Variants in STX10 observed in about 807,000 individuals in gnomAD.
The protein encoded by STX10 is syntaxin-10.
STX10 carries 35 observed loss-of-function variants against 34.1 expected under a neutral mutation model. The observed-to-expected ratio is 1.03, with a 90% CI of 0.78 to 1.36. The LOEUF is 1.36. Ranked by LOEUF, STX10 falls within the 40% of genes most tolerant of loss-of-function variation. The pLI is 0.00. For missense variants in STX10, 361 were observed against 335.5 expected, an observed-to-expected ratio of 1.08 and a Z score of -0.59; for synonymous variants, 155 against 132.9, an observed-to-expected ratio of 1.17 and a Z score of -1.15.
At position 13,150,255 on chromosome 19, in the gene STX10, C is replaced by T. The variant is rs552467748; in HGVS notation, c.-82G>A. On this transcript the variant is annotated 5_prime_UTR_variant, in exon 1 of 8. Transcript: ENST00000587230. This position sits in a 1 kb window ranked among gnomAD's most constrained non-coding sequence, Gnocchi z 4.0. ...TTCCCTCCCAACCGAGGAGAACGCG[C>T]CGCCACCCCCGCCCCCGTCACGCCA... 3 of 668,606 alleles carry T rather than the reference C, an allele frequency of 4.5e-6. No individual in the cohort carries two copies. The highest frequency in any genetic ancestry group is 8.3e-6 in the Non-Finnish European group (3 of 363,132). 41.4% of individuals were successfully genotyped at this position (668,606 alleles called of 1,614,324 possible).
intron 4 of STX10, among the ~76,000 whole-genome samples, chr19:13,147,433 C>T (rs966290466): frequency 5.3e-5 from 8 of 151,748 alleles, no homozygotes; most frequent in Non-Finnish European, 1.2e-4. Context: ...CCACTGCACC[C>T]CAGCCTGGGC....
chr19:13,148,146 G>T (rs1600021187), intron 4 of STX10, among the ~76,000 whole-genome samples: 1 of 151,922 alleles, frequency 6.6e-6, no homozygotes, highest in East Asian at 1.9e-4. Flanking sequence ...GGCTGAGGCA[G>T]GCAGATCAGT....
chr19:13,145,371 G>T lies in STX10; in HGVS notation c.388C>A (p.Gln130Lys). 1.2e-6 allele frequency: 2 copies of T among 1,611,482 alleles called. No individual in the cohort carries two copies. Among genetic ancestry groups the T allele is most frequent in the Non-Finnish European group, 1.7e-6 (2 of 1,179,950 alleles). ...TCCAGCAGGTCGCTGGGTGACTTCT[G>T]GGCAGCTGGCTTGCCTGCGAGTATC... is the stretch of plus-strand genomic sequence containing the variant. ...REILAGKPAA[Q>K]KSPSDLLDAS... The change falls in exon 5 of 8, where the codon CAG (glutamine) becomes AAG (lysine). Residue 130 changes from glutamine (Q) to lysine (K), a missense_variant. Coordinates refer to ENST00000587230, the MANE Select transcript of STX10 (RefSeq NM_003765.3).
In STX10 at chr19:13,149,557, G is replaced by C. The variant is rs1327252238; in HGVS notation, c.242C>G (p.Pro81Arg). 1 of 1,614,084 alleles carries C rather than the reference G, an allele frequency of 6.2e-7. No individual in the cohort carries two copies. The highest frequency in any genetic ancestry group is 1.7e-5 in the Admixed American group (1 of 60,018). ...VEANPGKFKL[P>R]AGDLQERKVF... ...CTTTCTCTCCTGCAGGTCCCCGGCT[G>C]GGAGCTTGAACTTGCCTGGGTTGGC... Residue 81 changes from proline to arginine, a missense_variant, in exon 3 of 8, where the codon CCA (proline) becomes CGA (arginine). By Grantham distance (103) the Pro-to-Arg change is moderately radical. Transcript: ENST00000587230.
intron 5 of STX10, 108 bp from the exon 6 acceptor site, chr19:13,144,978 C>A: frequency 1.0e-6 from 1 of 992,326 alleles, no homozygotes; most frequent in Non-Finnish European, 1.5e-6. Context: ...ACAGGCGGAT[C>A]ACTTGAGGCC....
intron 2 of STX10, 44 bp downstream of exon 2, chr19:13,149,684 A>G (rs2020006156): frequency 2.5e-6 from 4 of 1,609,530 alleles, no homozygotes; most frequent in South Asian, 2.2e-5. Flanking sequence ...TGCCACCGCA[A>G]TGGGCTCTCC....
At chr19:13,147,968 G>A (rs1388918215) in intron 4 of STX10, among the ~76,000 whole-genome samples, 1 of 150,032 alleles carries the variant, frequency 6.7e-6, no homozygotes, top group African/African-American at 2.5e-5. Flanking sequence ...AGGAGGCTGA[G>A]GCTGGAGAAT....
intron 6 of STX10, 31 bp from the exon 7 acceptor site, chr19:13,144,702 A>G (rs2019855823): frequency 6.2e-7 from 1 of 1,613,572 alleles, no homozygotes; most frequent in South Asian, 1.1e-5. Context: ...TCAGCCCCAG[A>G]TGGCCCAGAC....
chr19:13,149,557 G>A lies in STX10; in HGVS notation c.242C>T (p.Pro81Leu), dbSNP rs1327252238. 1.2e-6 allele frequency: 2 copies of A among 1,614,084 alleles called. No individual in the cohort carries two copies. Among genetic ancestry groups the A allele is most frequent in the South Asian group, 1.1e-5 (1 of 91,068 alleles). ...VEANPGKFKL[P>L]AGDLQERKVF... The stretch of plus-strand genomic sequence containing the variant: ...CTTTCTCTCCTGCAGGTCCCCGGCT[G>A]GGAGCTTGAACTTGCCTGGGTTGGC... Residue 81 changes from proline to leucine, a missense_variant, in exon 3 of 8, where the codon CCA becomes CTA. Physicochemically the swap from Pro to Leu is moderately conservative, Grantham distance 98. Transcript: ENST00000587230.
At position 13,150,017 on chromosome 19, in the gene STX10, C is replaced by T; in HGVS notation, c.36-120G>A. 2 of 1,366,534 alleles carry T rather than the reference C, an allele frequency of 1.5e-6. No individual in the cohort carries two copies. The highest frequency in any genetic ancestry group is 2.1e-4 in the Middle Eastern group (1 of 4,872). 84.7% of individuals were successfully genotyped at this position (1,366,534 alleles called of 1,614,324 possible). On this transcript the variant is annotated intron_variant, in intron 1 of 7. Coordinates refer to ENST00000587230, the MANE Select transcript of STX10 (RefSeq NM_003765.3). The surrounding 1 kb of genome is among the most constrained non-coding windows in gnomAD (Gnocchi z 4.0). ...GGAGACCCCTATATACCCCTGCGTG[C>T]GCCTCCCACTCTGCACCCCGACGGC...
At chr19:13,144,916 A>C (rs769149978) in intron 5 of STX10, 46 bp from the exon 6 acceptor site, 1 of 1,545,222 alleles carries the variant, frequency 6.5e-7, no homozygotes, top group South Asian at 1.2e-5. Context: ...CGACCCCAGA[A>C]GGCCAGGCGC....
At chr19:13,145,197 T>TCAACAA (rs565341353) in intron 5 of STX10, 91 bp downstream of exon 5, 11 of 1,248,484 alleles carry the variant, frequency 8.8e-6, no homozygotes, top group African/African-American at 1.5e-5. Context: ...AAACTCCATA[T>TCAACAA]CAACAACAAC....
chr19:13,149,703 C>A (rs372713239), intron 2 of STX10, 25 bp downstream of exon 2: 4 of 1,610,504 alleles, frequency 2.5e-6, no homozygotes, highest in Non-Finnish European at 3.4e-6. Flanking sequence ...CCCATGCCAC[C>A]CTCTGCCACA....
rs1442574391 is a variant in STX10, at chr19:13,149,558, G to A, written c.241C>T (p.Pro81Ser). Residue 81 changes from proline to serine, a missense_variant, in exon 3 of 8, where the codon CCA (proline) becomes TCA (serine). By Grantham distance (74) the Pro-to-Ser change is moderately conservative. Transcript: ENST00000587230. ...VEANPGKFKL[P>S]AGDLQERKVF... Reference sequence around the variant, plus strand: ...TTTCTCTCCTGCAGGTCCCCGGCTGGGAGCTTGAACTTGCCTGGGTTGGCT... The same window carrying A: ...TTTCTCTCCTGCAGGTCCCCGGCTGAGAGCTTGAACTTGCCTGGGTTGGCT... The A allele has an allele frequency of 1.9e-6, 3 of 1,613,972 alleles. No homozygotes were observed. The highest frequency in any genetic ancestry group is 2.5e-6 in the Non-Finnish European group (3 of 1,180,008).
rs372562784 is a variant in STX10 at position 13,149,900 on chromosome 19, G to A, written c.36-3C>T. 2.5e-6 allele frequency: 4 copies of A among 1,576,882 alleles called. No individual in the cohort carries two copies. The highest frequency in any genetic ancestry group is 2.3e-5 in the East Asian group (1 of 42,622). On this transcript the variant is annotated splice_polypyrimidine_tract_variant and splice_region_variant and intron_variant, in intron 1 of 7. Coordinates refer to ENST00000587230, the MANE Select transcript of STX10 (RefSeq NM_003765.3). ...TGTTCACCGCCTTCTGCACCTCGCT[G>A]CGGGCAGGGGCACGGCGGGCGCGGC...
At position 13,144,159 on chromosome 19, in the gene STX10, T is replaced by C; in HGVS notation, c.*251A>G. 1 of 547,232 alleles carries C rather than the reference T, an allele frequency of 1.8e-6. No homozygotes were observed. Among genetic ancestry groups the C allele is most frequent in the South Asian group, 2.6e-5 (1 of 38,204 alleles). The allele number at this position is 547,232 out of a possible 1,614,324, so 33.9% of individuals were successfully genotyped here. A position where few individuals can be genotyped will look rare whatever the true frequency, so the allele number is the denominator to read the frequency against. On this transcript the variant is annotated 3_prime_UTR_variant, in exon 8 of 8. Transcript: ENST00000587230. ...CTGGAACTGGAAATGGAGACAGGTG[T>C]GTCTCAGGTGTCCCTGCCTCCACCA...
Position 13,149,822 on chromosome 19 carries a change from C to A in STX10, c.111G>T (p.Ala37=), listed in dbSNP as rs1339051277. 1 of 1,613,774 alleles carries A rather than the reference C, an allele frequency of 6.2e-7. No homozygotes were observed. The part of the protein sequence containing the change: ...RWCELLQESA[A]VGREELDWTT... ...TCCAGTCCAGCTCCTCGCGTCCGACCGCCGCGCTTTCCTGCAGGAGCTCGC... is the reference window on the plus strand; with the variant it reads ...TCCAGTCCAGCTCCTCGCGTCCGACAGCCGCGCTTTCCTGCAGGAGCTCGC... Residue 37 remains alanine, a synonymous_variant, in exon 2 of 8, where the codon GCG becomes GCT. Transcript: ENST00000587230.
Position 13,144,402 on chromosome 19 carries a change from G to A in STX10, c.*8C>T, listed in dbSNP as rs201789884. On this transcript the variant is annotated 3_prime_UTR_variant, in exon 8 of 8. Transcript: ENST00000587230. The stretch of plus-strand genomic sequence containing the variant: ...CTTAAGGGACCAGCCTGCCAGGGAG[G>A]GCTGGGGTCAGAGAGAGAATAGTAA... The A allele has an allele frequency of 2.2e-5, 36 of 1,606,096 alleles. No homozygotes were observed. The Middle Eastern group carries it at 6.6e-4, about 30-fold the overall frequency.
rs534765584 is a variant in STX10, at chr19:13,150,308, A to C, written c.-135T>G. On this transcript the variant is annotated 5_prime_UTR_variant, in exon 1 of 8. Transcript: ENST00000587230. The surrounding 1 kb of genome is among the most constrained non-coding windows in gnomAD (Gnocchi z 4.0). ...ATCGAGAGCCGGACCGCCAGGGGAG[A>C]AAGAGAAGCCTCGGAGGCCCGACGT... 1.9e-4 allele frequency: 118 copies of C among 617,428 alleles called. No individual in the cohort carries two copies. In the African/African-American group the frequency reaches 2.2e-3, roughly 11 times the overall value. 38.2% of individuals were successfully genotyped at this position (617,428 alleles called of 1,614,324 possible).
Sources: allele counts gnomAD v4.1 joint callset (sites outside exome capture counted in the v4.1 genomes callset), GRCh38; gene constraint gnomAD v4.1.1; non-coding constraint Gnocchi (gnomAD v3.1); transcripts MANE v1.5; gene names NCBI Gene and HGNC (gene_info 2026-07-23, HGNC 2026-07-21).